Variants in H1-3 observed in about 807,000 individuals in gnomAD.
H1-3 encodes the protein histone H1.3.
H1-3 carries 4 observed loss-of-function variants against 3.6 expected under a neutral mutation model. The ratio of observed to expected loss-of-function variants is 1.12; its 90% CI spans 0.55 to 2.57. The LOEUF (loss-of-function observed/expected upper bound fraction) is 2.57, where lower values mean the gene tolerates loss of function less well. H1-3 is among the 30% of genes most tolerant of loss of function. The pLI is 0.02. For synonymous variants in H1-3, 266 were observed against 110.0 expected (o/e 2.42, Z -8.87); for missense variants, 670 against 274.3 (o/e 2.44, Z -10.19).
rs774642794 is a variant in H1-3 at position 26,234,563 on chromosome 6, GCCTTT to G, written c.366_370del (p.Lys122AsnfsTer7). On this transcript the variant is annotated frameshift_variant, in exon 1 of 1. Coordinates refer to ENST00000244534, the MANE Select transcript of H1-3 (RefSeq NM_005320.3). LOFTEE classifies it low-confidence loss of function (END_TRUNC). ...AGGCTTCCTAGGCTTGGCTGCGCCA[GCCTTT>G]TTGGCCTTGGGTTTGCCTTCCCCGG... 1 of 1,612,880 alleles carries G rather than the reference GCCTTT, an allele frequency of 6.2e-7. No individual in the cohort carries two copies. Among genetic ancestry groups the G allele is most frequent in the Admixed American group, 1.7e-5 (1 of 59,752 alleles).
Position 26,234,593 on chromosome 6 carries a change from G to C in H1-3, c.341C>G (p.Ser114Cys), listed in dbSNP as rs759059672. ...TTTGGCCTTGGGTTTGCCTTCCCCG[G>C]AAGCCGCTTTCTTGTTGAGTTTGAA... ...GSFKLNKKAASGEGKPKAKKA... is the reference protein window; with the variant it reads ...GSFKLNKKAACGEGKPKAKKA... Residue 114 changes from serine (S) to cysteine (C), a missense_variant, in exon 1 of 1, where the codon TCC becomes TGC. By Grantham distance (112) the Ser-to-Cys change is moderately radical. Transcript: ENST00000244534. 8 of 1,613,940 alleles carry C rather than the reference G, an allele frequency of 5.0e-6. No homozygotes were observed. In the South Asian group the frequency reaches 8.8e-5, roughly 18 times the overall value.
Position 26,234,297 on chromosome 6 carries a change from C to G in H1-3, c.637G>C (p.Ala213Pro). ...TTTTTCTTCGGAGCTGCCTTCTTTG[C>G]CTTTGTAACCTTCGGCTTCCCCGAC... ...PKSGKPKVTKAKKAAPKKK is the reference protein window; with the variant it reads ...PKSGKPKVTKPKKAAPKKK The change falls in exon 1 of 1, where the codon GCA (alanine) becomes CCA (proline). Residue 213 changes from alanine (A) to proline (P), a missense_variant. Transcript: ENST00000244534. The G allele has an allele frequency of 1.2e-6, 2 of 1,605,456 alleles. No individual in the cohort carries two copies. The highest frequency in any genetic ancestry group is 1.7e-6 in the Non-Finnish European group (2 of 1,177,602).
At position 26,234,436 on chromosome 6, in the gene H1-3, A is replaced by C. The variant is rs781244508; in HGVS notation, c.498T>G (p.Ala166=). Residue 166 remains alanine, a synonymous_variant, in exon 1 of 1, where the codon GCT becomes GCG. Transcript: ENST00000244534. ...PKKVKKPATA[A]GTKKVAKSAK... Reference sequence around the variant, plus strand: ...CACTCTTGGCCACTTTCTTGGTCCCAGCAGCGGTTGCTGGCTTCTTTACCT... The same window carrying C: ...CACTCTTGGCCACTTTCTTGGTCCCCGCAGCGGTTGCTGGCTTCTTTACCT... 8.1e-6 allele frequency: 13 copies of C among 1,613,996 alleles called. No homozygotes were observed. In the East Asian group the frequency reaches 2.0e-4, roughly 25 times the overall value.
In H1-3 at chr6:26,234,958, A is replaced by G. The variant is rs750569345; in HGVS notation, c.-25T>C. ...TGTTTTTGTCTTCCCAGAAAAGACA[A>G]TAAGTAATCTCAAACTGTCAGAACA... On this transcript the variant is annotated 5_prime_UTR_variant, in exon 1 of 1. Transcript: ENST00000244534. 1.4e-5 allele frequency: 22 copies of G among 1,573,150 alleles called. No homozygotes were observed. The highest frequency in any genetic ancestry group is 1.6e-5 in the Non-Finnish European group (19 of 1,162,644).
In H1-3 at chr6:26,234,578, G is replaced by A. The variant is rs1014468965; in HGVS notation, c.356C>T (p.Pro119Leu). Residue 119 changes from proline (P) to leucine (L), a missense_variant, in exon 1 of 1, where the codon CCC becomes CTC. Pro to Leu is a moderately conservative substitution (Grantham distance 98). Transcript: ENST00000244534. ...NKKAASGEGKPKAKKAGAAKP... is the reference protein window; with the variant it reads ...NKKAASGEGKLKAKKAGAAKP... ...GGCTGCGCCAGCCTTTTTGGCCTTG[G>A]GTTTGCCTTCCCCGGAAGCCGCTTT... 1.2e-5 allele frequency: 19 copies of A among 1,613,526 alleles called. No homozygotes were observed. The Admixed American group carries it at 2.2e-4, about 18-fold the overall frequency.
rs747123489 is a variant in H1-3, at chr6:26,234,540, G to A, written c.394C>T (p.Pro132Ser). Residue 132 changes from proline to serine, a missense_variant, in exon 1 of 1, where the codon CCT becomes TCT. Transcript: ENST00000244534. ...KKAGAAKPRKPAGAAKKPKKV... is the reference protein window; with the variant it reads ...KKAGAAKPRKSAGAAKKPKKV... ...TTGGGCTTCTTGGCTGCCCCAGCAG[G>A]CTTCCTAGGCTTGGCTGCGCCAGCC... 8.1e-6 allele frequency: 13 copies of A among 1,612,222 alleles called. No homozygotes were observed. The highest frequency in any genetic ancestry group is 1.1e-5 in the Non-Finnish European group (13 of 1,179,630).
rs548822473 is a variant in H1-3 at position 26,234,805 on chromosome 6, C to G, written c.129G>C (p.Glu43Asp). ...KRKASGPPVS[E>D]LITKAVAASK... The stretch of plus-strand genomic sequence containing the variant: ...AAGCTGCCACTGCCTTGGTGATAAG[C>G]TCAGATACTGGGGGTCCGGATGCTT... The change falls in exon 1 of 1, where the codon GAG becomes GAC. Residue 43 changes from glutamate to aspartate, a missense_variant. Glu to Asp is a conservative substitution (Grantham distance 45, BLOSUM62 2). Coordinates refer to ENST00000244534, the MANE Select transcript of H1-3 (RefSeq NM_005320.3). 3.1e-6 allele frequency: 5 copies of G among 1,614,242 alleles called. No homozygotes were observed. The South Asian group carries it at 3.3e-5, about 11-fold the overall frequency.
chr6:26,234,959 T>C lies in H1-3; in HGVS notation c.-26A>G, dbSNP rs760795695. The C allele has an allele frequency of 2.4e-5, 38 of 1,570,756 alleles. No homozygotes were observed. Among genetic ancestry groups the C allele is most frequent in the African/African-American group, 5.5e-5 (4 of 73,000 alleles). On this transcript the variant is annotated 5_prime_UTR_variant, in exon 1 of 1. Coordinates refer to ENST00000244534, the MANE Select transcript of H1-3 (RefSeq NM_005320.3). ...GTTTTTGTCTTCCCAGAAAAGACAA[T>C]AAGTAATCTCAAACTGTCAGAACAG...
At position 26,234,500 on chromosome 6, in the gene H1-3, G is replaced by A. The variant is rs988738130; in HGVS notation, c.434C>T (p.Ala145Val). 2 of 1,613,848 alleles carry A rather than the reference G, an allele frequency of 1.2e-6. No homozygotes were observed. Among genetic ancestry groups the A allele is most frequent in the African/African-American group, 2.7e-5 (2 of 74,916 alleles). Reference sequence around the variant, plus strand: ...TTTGATGCTTTTCTTCGGGGTAGCGGCGCCAGCCACCTTCTTGGGCTTCTT... The same window carrying A: ...TTTGATGCTTTTCTTCGGGGTAGCGACGCCAGCCACCTTCTTGGGCTTCTT... ...AAKKPKKVAG[A>V]ATPKKSIKKT... The change falls in exon 1 of 1, where the codon GCC becomes GTC. Residue 145 changes from alanine to valine, a missense_variant. Coordinates refer to ENST00000244534, the MANE Select transcript of H1-3 (RefSeq NM_005320.3).
In H1-3 at chr6:26,234,693, T is replaced by TA; in HGVS notation, c.240dup (p.Ile81TyrfsTer50). On this transcript the variant is annotated frameshift_variant, in exon 1 of 1. Transcript: ENST00000244534. LOFTEE classifies it high-confidence loss of function. ...ACCAAGCTCTTGAGGCCAAGCTTGA[T>TA]ACGGCTGTTGTTTTTTTCTACATCG... 1 of 1,614,034 alleles carries TA rather than the reference T, an allele frequency of 6.2e-7. No individual in the cohort carries two copies. Among genetic ancestry groups the TA allele is most frequent in the African/African-American group, 1.3e-5 (1 of 75,024 alleles).
Position 26,234,497 on chromosome 6 carries a change from G to C in H1-3, c.437C>G (p.Ala146Gly). The C allele has an allele frequency of 6.2e-7, 1 of 1,614,010 alleles. No homozygotes were observed. Among genetic ancestry groups the C allele is most frequent in the Non-Finnish European group, 8.5e-7 (1 of 1,180,020 alleles). Residue 146 changes from alanine (A) to glycine (G), a missense_variant, in exon 1 of 1, where the codon GCT (alanine) becomes GGT (glycine). By Grantham distance (60) the Ala-to-Gly change is moderately conservative. Transcript: ENST00000244534. ...CTTTTTGATGCTTTTCTTCGGGGTA[G>C]CGGCGCCAGCCACCTTCTTGGGCTT... ...AKKPKKVAGAATPKKSIKKTP... is the reference protein window; with the variant it reads ...AKKPKKVAGAGTPKKSIKKTP...
Position 26,234,265 on chromosome 6 carries a change from G to A in H1-3, c.*3C>T, listed in dbSNP as rs764596815. ...ATTTTCAAAGGGGAACGTCCCGCCA[G>A]TTTCACTTTTTCTTCGGAGCTGCCT... is the stretch of plus-strand genomic sequence containing the variant. On this transcript the variant is annotated 3_prime_UTR_variant, in exon 1 of 1. Coordinates refer to ENST00000244534, the MANE Select transcript of H1-3 (RefSeq NM_005320.3). 6.3e-6 allele frequency: 10 copies of A among 1,586,208 alleles called. No individual in the cohort carries two copies. The highest frequency in any genetic ancestry group is 7.7e-6 in the Non-Finnish European group (9 of 1,171,530).
In H1-3 at chr6:26,234,945, C is replaced by G. The variant is rs111312434; in HGVS notation, c.-12G>C. On this transcript the variant is annotated 5_prime_UTR_variant, in exon 1 of 1. Coordinates refer to ENST00000244534, the MANE Select transcript of H1-3 (RefSeq NM_005320.3). Reference sequence around the variant, plus strand: ...GCAGTCTCCGACATGTTTTTGTCTTCCCAGAAAAGACAATAAGTAATCTCA... The same window carrying G: ...GCAGTCTCCGACATGTTTTTGTCTTGCCAGAAAAGACAATAAGTAATCTCA... 2.0e-5 allele frequency: 32 copies of G among 1,585,766 alleles called. No homozygotes were observed. The highest frequency in any genetic ancestry group is 2.7e-5 in the Non-Finnish European group (32 of 1,169,352).
Position 26,234,368 on chromosome 6 carries a change from C to T in H1-3, c.566G>A (p.Ser189Asn), listed in dbSNP as rs747639258. 1.9e-6 allele frequency: 3 copies of T among 1,614,130 alleles called. No individual in the cohort carries two copies. The South Asian group carries it at 3.3e-5, about 18-fold the overall frequency. Residue 189 changes from serine to asparagine, a missense_variant, in exon 1 of 1, where the codon AGT (serine) becomes AAT (asparagine). Ser to Asn is a conservative substitution (Grantham distance 46). Transcript: ENST00000244534. ...CTTAGGGGCTTTGGCCTTAGCTGGA[C>T]TCTTGGCAGCTTTTTTTGGCTGAGG... ...KTPQPKKAAKSPAKAKAPKPK... is the reference protein window; with the variant it reads ...KTPQPKKAAKNPAKAKAPKPK...
chr6:26,234,926 T>C lies in H1-3; in HGVS notation c.8A>G (p.Glu3Gly). 1 of 1,599,436 alleles carries C rather than the reference T, an allele frequency of 6.3e-7. No individual in the cohort carries two copies. The highest frequency in any genetic ancestry group is 8.5e-7 in the Non-Finnish European group (1 of 1,175,092). Reference sequence around the variant, plus strand: ...AATGGTAGGAGCAAGTGGAGCAGTCTCCGACATGTTTTTGTCTTCCCAGAA... The same window carrying C: ...AATGGTAGGAGCAAGTGGAGCAGTCCCCGACATGTTTTTGTCTTCCCAGAA... Reference protein sequence around the residue: MSETAPLAPTIPA... With the variant: MSGTAPLAPTIPA... Residue 3 changes from glutamate (E) to glycine (G), a missense_variant, in exon 1 of 1, where the codon GAG becomes GGG. By Grantham distance (98) the Glu-to-Gly change is moderately conservative. Transcript: ENST00000244534.
Position 26,234,481 on chromosome 6 carries a change from G to T in H1-3, c.453C>A (p.Ser151Arg), listed in dbSNP as rs1365150480. The change falls in exon 1 of 1, where the codon AGC becomes AGA. Residue 151 changes from serine (S) to arginine (R), a missense_variant. Physicochemically the swap from Ser to Arg is moderately radical, Grantham distance 110. Transcript: ENST00000244534. The stretch of plus-strand genomic sequence containing the variant: ...TTACCTTCTTAGGAGTCTTTTTGAT[G>T]CTTTTCTTCGGGGTAGCGGCGCCAG... ...KVAGAATPKK[S>R]IKKTPKKVKK... 1 of 1,613,892 alleles carries T rather than the reference G, an allele frequency of 6.2e-7. No homozygotes were observed. Among genetic ancestry groups the T allele is most frequent in the Non-Finnish European group, 8.5e-7 (1 of 1,180,030 alleles).
Position 26,234,484 on chromosome 6 carries a change from T to C in H1-3, c.450A>G (p.Lys150=), listed in dbSNP as rs761240370. ...CCTTCTTAGGAGTCTTTTTGATGCT[T>C]TTCTTCGGGGTAGCGGCGCCAGCCA... is the stretch of plus-strand genomic sequence containing the variant. ...KKVAGAATPK[K]SIKKTPKKVK... Residue 150 remains lysine (K), a synonymous_variant, in exon 1 of 1, where the codon AAA becomes AAG. Coordinates refer to ENST00000244534, the MANE Select transcript of H1-3 (RefSeq NM_005320.3). The C allele has an allele frequency of 6.2e-6, 10 of 1,613,966 alleles. No individual in the cohort carries two copies. The African/African-American group carries it at 1.1e-4, about 17-fold the overall frequency.
rs140975803 is a variant in H1-3 at position 26,234,718 on chromosome 6, G to A, written c.216C>T (p.Tyr72=). ...ALKKALAAAG[Y]DVEKNNSRIK... ...TACGGCTGTTGTTTTTTTCTACATCGTAGCCAGCAGCCGCAAGCGCTTTCT... is the reference window on the plus strand; with the variant it reads ...TACGGCTGTTGTTTTTTTCTACATCATAGCCAGCAGCCGCAAGCGCTTTCT... The change falls in exon 1 of 1, where the codon TAC becomes TAT. Residue 72 remains tyrosine, a synonymous_variant. Transcript: ENST00000244534. 6.2e-7 allele frequency: 1 copy of A among 1,613,510 alleles called. No individual in the cohort carries two copies. The highest frequency in any genetic ancestry group is 1.1e-5 in the South Asian group (1 of 90,998).
Position 26,234,589 on chromosome 6 carries a change from C to T in H1-3, c.345G>A (p.Gly115=). Reference sequence around the variant, plus strand: ...CCTTTTTGGCCTTGGGTTTGCCTTCCCCGGAAGCCGCTTTCTTGTTGAGTT... The same window carrying T: ...CCTTTTTGGCCTTGGGTTTGCCTTCTCCGGAAGCCGCTTTCTTGTTGAGTT... ...SFKLNKKAAS[G]EGKPKAKKAG... The change falls in exon 1 of 1, where the codon GGG becomes GGA. Residue 115 remains glycine, a synonymous_variant. Transcript: ENST00000244534. The T allele has an allele frequency of 1.9e-6, 3 of 1,613,908 alleles. No homozygotes were observed. Among genetic ancestry groups the T allele is most frequent in the Non-Finnish European group, 1.7e-6 (2 of 1,180,028 alleles).
Sources: gnomAD v4.1 joint callset for allele counts on GRCh38, gnomAD v4.1.1 for gene constraint, MANE v1.5 for transcripts, NCBI Gene and HGNC (gene_info 2026-07-23, HGNC 2026-07-21) for gene names.